OR6P1: variants seen among roughly 807,000 people sequenced by gnomAD.
OR6P1 encodes olfactory receptor 6P1.
In OR6P1, 5 loss-of-function variants were observed where a neutral mutation model predicts 6.6. The ratio of observed to expected loss-of-function variants is 0.76; its 90% CI spans 0.40 to 1.60. The LOEUF (loss-of-function observed/expected upper bound fraction) is 1.60. Among genes scored for constraint, OR6P1 ranks in the 40% most tolerant of loss-of-function variants. The pLI is 0.02. For missense variants in OR6P1, 451 were observed against 383.0 expected (o/e 1.18, Z -1.48); for synonymous variants, 177 against 149.6 (o/e 1.18, Z -1.33).
rs553102458 is a variant in OR6P1 at position 158,563,708 on chromosome 1, C to T, written c.-22-82G>A. ...AACATACTCTCACAGGTTATAACCA[C>T]TGAAGAGCTTAGTGGCATATTAATT... On this transcript the variant is annotated intron_variant, in intron 2 of 2. Coordinates refer to ENST00000641540, the MANE Select transcript of OR6P1 (RefSeq NM_001160325.2). The T allele has an allele frequency of 1.3e-4, 88 of 703,432 alleles. 1 individual carries two copies. The highest frequency in any genetic ancestry group is 2.1e-4 in the Non-Finnish European group (86 of 418,986). The allele number at this position is 703,432 out of a possible 1,614,324, so 43.6% of individuals were successfully genotyped here.
chr1:158,563,335 AC>A lies in OR6P1; in HGVS notation c.269del (p.Gly90ValfsTer6). 6.4e-7 allele frequency: 1 copy of A among 1,551,556 alleles called. No individual in the cohort carries two copies. Among genetic ancestry groups the A allele is most frequent in the Non-Finnish European group, 8.7e-7 (1 of 1,146,908 alleles). ...TCATGCAACCTACGTAGGAGACTCT[AC>A]CATCCTGGGTAAGAAAGGCTGCCAA... ...RLLAAFLTQD[G>X]RVSYVGCMTQ... On this transcript the variant is annotated frameshift_variant, in exon 3 of 3. Transcript: ENST00000641540. LOFTEE classifies it high-confidence loss of function.
chr1:158,569,460 C>T lies in OR6P1; in HGVS notation c.-118+982G>A, dbSNP rs114932535. Among the ~76,000 whole-genome samples the T allele has an allele frequency of 3.1e-3, 477 of 152,252 alleles. 3 individuals carry two copies. The highest frequency in any genetic ancestry group is 0.014 in the Middle Eastern group (4 of 294). ...TATATCCCACTCCCAGAGAAAACTA[C>T]CTGTTTTGTTTTTCTTTGTTTCCCT... On this transcript the variant is annotated intron_variant, in intron 1 of 2. Transcript: ENST00000641540.
intron 2 of OR6P1, among the ~76,000 whole-genome samples, chr1:158,565,105 T>G (rs1199102287): frequency 6.6e-6 from 1 of 152,224 alleles, no homozygotes; most frequent in African/African-American, 2.4e-5. Context: ...CCTTGCTGTG[T>G]TCTTCAGGCT....
rs962570448 is a variant in OR6P1, at chr1:158,562,401, A to AT, written c.*249dup. The AT allele has an allele frequency of 1.5e-4, 70 of 468,648 alleles. 1 individual carries two copies. Among genetic ancestry groups the AT allele is most frequent in the Middle Eastern group, 6.0e-4 (1 of 1,680 alleles). The allele number at this position is 468,648 out of a possible 1,614,324, so 29.0% of individuals were successfully genotyped here. ...ACATACTCAGTAAGACTCTCCACAT[A>AT]TTTTTTTGGGGGAATCTGTATTTTA... On this transcript the variant is annotated 3_prime_UTR_variant, in exon 3 of 3. Coordinates refer to ENST00000641540, the MANE Select transcript of OR6P1 (RefSeq NM_001160325.2).
chr1:158,563,387 T>A lies in OR6P1; in HGVS notation c.218A>T (p.Tyr73Phe), dbSNP rs954492317. Residue 73 changes from tyrosine to phenylalanine, a missense_variant, in exon 3 of 3, where the codon TAC becomes TTC. Coordinates refer to ENST00000641540, the MANE Select transcript of OR6P1 (RefSeq NM_001160325.2). ...LGHLSFLELW[Y>F]INVTIPRLLA... is the part of the protein sequence containing the mutation. Reference sequence around the variant, plus strand: ...GAGCCGAGGAATGGTGACATTGATGTACCATAGCTCCAGGAAAGAGAGATG... The same window carrying A: ...GAGCCGAGGAATGGTGACATTGATGAACCATAGCTCCAGGAAAGAGAGATG... The A allele has an allele frequency of 3.2e-5, 50 of 1,551,456 alleles. 1 individual carries two copies. In the East Asian group the frequency reaches 1.2e-3, roughly 37 times the overall value.
chr1:158,566,140 AT>A (rs1295563911), intron 2 of OR6P1, among the ~76,000 whole-genome samples: 5 of 152,198 alleles, frequency 3.3e-5, no homozygotes, highest in Non-Finnish European at 7.3e-5. Flanking sequence ...TTAAAAAAAA[AT>A]TAAAGAGAAG....
intron 2 of OR6P1, among the ~76,000 whole-genome samples, chr1:158,565,288 T>G (rs1648069224): frequency 6.6e-6 from 1 of 152,184 alleles, no homozygotes; most frequent in South Asian, 2.1e-4. Context: ...TACTTCTTTA[T>G]GTATTCAATG....
At chr1:158,564,503 A>G (rs925599923) in intron 2 of OR6P1, among the ~76,000 whole-genome samples, 3 of 152,186 alleles carry the variant, frequency 2.0e-5, no homozygotes, top group Non-Finnish European at 4.4e-5. Context: ...AGGAGAAGGC[A>G]ATGTAAAGAT....
At chr1:158,568,644 A>T (rs904028205) in intron 1 of OR6P1, among the ~76,000 whole-genome samples, 3 of 152,110 alleles carry the variant, frequency 2.0e-5, no homozygotes, top group African/African-American at 7.2e-5. Context: ...GCTCCCCTTC[A>T]ACATTACCCT....
chr1:158,565,847 G>A (rs1285018698), intron 2 of OR6P1, among the ~76,000 whole-genome samples: 2 of 152,224 alleles, frequency 1.3e-5, no homozygotes, highest in Admixed American at 6.5e-5. Context: ...AGTTAGTTTT[G>A]TTATAGAAAT....
intron 1 of OR6P1, among the ~76,000 whole-genome samples, chr1:158,567,719 A>T (rs1450560210): frequency 6.0e-5 from 9 of 150,762 alleles, no homozygotes; most frequent in Non-Finnish European, 3.0e-5. Context: ...GGTGCAGCGC[A>T]CCAGCATGGC....
chr1:158,562,512 T>G lies in OR6P1; in HGVS notation c.*139A>C. ...AAATAAATGATTCATAAAGTTTCATTTGTATCAGAAGGTCCCAGACAATAT... is the reference window on the plus strand; with the variant it reads ...AAATAAATGATTCATAAAGTTTCATGTGTATCAGAAGGTCCCAGACAATAT... On this transcript the variant is annotated 3_prime_UTR_variant, in exon 3 of 3. Transcript: ENST00000641540. 1.6e-6 allele frequency: 1 copy of G among 612,994 alleles called. No individual in the cohort carries two copies. The highest frequency in any genetic ancestry group is 2.1e-5 in the South Asian group (1 of 48,704). 38.0% of individuals were successfully genotyped at this position (612,994 alleles called of 1,614,324 possible). A position where few individuals can be genotyped will look rare whatever the true frequency, so the allele number is the denominator to read the frequency against.
chr1:158,563,028 C>G lies in OR6P1; in HGVS notation c.577G>C (p.Glu193Gln), dbSNP rs1647996693. 6.4e-7 allele frequency: 1 copy of G among 1,551,662 alleles called. No homozygotes were observed. The highest frequency in any genetic ancestry group is 8.7e-7 in the Non-Finnish European group (1 of 1,146,958). Residue 193 changes from glutamate (E) to glutamine (Q), a missense_variant, in exon 3 of 3, where the codon GAG (glutamate) becomes CAG (glutamine). Glu to Gln is a conservative substitution (Grantham distance 29). Transcript: ENST00000641540. Reference protein sequence around the residue: ...PLLNLTCSDKEQAELVDFLLA... With the variant: ...PLLNLTCSDKQQAELVDFLLA... ...AGGAAGTCTACTAGCTCTGCTTGCT[C>G]CTTGTCAGAGCAGGTGAGGTTGAGT...
intron 2 of OR6P1, among the ~76,000 whole-genome samples, chr1:158,565,585 G>C (rs953133605): frequency 6.6e-6 from 1 of 151,064 alleles, no homozygotes; most frequent in African/African-American, 2.4e-5. Flanking sequence ...TTTACCTAAA[G>C]CAATATAAAT....
rs10489837 is a variant in OR6P1 at position 158,563,227 on chromosome 1, G to A, written c.378C>T (p.Ile126=). 2.5e-3 allele frequency: 3,914 copies of A among 1,551,618 alleles called. 71 individuals carry two copies. The African/African-American group carries it at 0.043, about 17-fold the overall frequency. The change falls in exon 3 of 3, where the codon ATC becomes ATT. Residue 126 remains isoleucine, a synonymous_variant. Transcript: ENST00000641540. ...AVMAYDRYLA[I]CGPLLYPSLM... ...GACTAGGGTAAAGGAGGGGTCCACA[G>A]ATGGCCAGGTAGCGATCATAGGCCA...
chr1:158,567,454 C>T (rs1490652753), intron 1 of OR6P1, among the ~76,000 whole-genome samples: 2 of 146,486 alleles, frequency 1.4e-5, no homozygotes, highest in African/African-American at 5.1e-5. Context: ...CCATGGAATA[C>T]TATGCAGCCA....
chr1:158,566,090 G>A (rs1648090590), intron 2 of OR6P1, among the ~76,000 whole-genome samples: 1 of 151,914 alleles, frequency 6.6e-6, no homozygotes, highest in Non-Finnish European at 1.5e-5. Context: ...TACACTCTTG[G>A]ACACTTCCAT....
At chr1:158,563,694 A>C in intron 2 of OR6P1, 68 bp from the exon 3 acceptor site, 65 of 761,108 alleles carry the variant, frequency 8.5e-5, no homozygotes, top group Non-Finnish European at 1.3e-4. Flanking sequence ...ACATACTCTC[A>C]CAGGTTATAA....
chr1:158,563,431 G>A lies in OR6P1; in HGVS notation c.174C>T (p.Pro58=). The A allele has an allele frequency of 6.4e-7, 1 of 1,551,242 alleles. No individual in the cohort carries two copies. The highest frequency in any genetic ancestry group is 8.7e-7 in the Non-Finnish European group (1 of 1,146,816). ...TIWLAPSLHR[P]MYFFLGHLSF... Reference sequence around the variant, plus strand: ...AGAGATGGCCAAGGAAAAAGTACATGGGACGATGAAGGCTTGGAGCAAGCC... The same window carrying A: ...AGAGATGGCCAAGGAAAAAGTACATAGGACGATGAAGGCTTGGAGCAAGCC... The change falls in exon 3 of 3, where the codon CCC becomes CCT. Residue 58 remains proline (P), a synonymous_variant. Transcript: ENST00000641540.
Sources: gnomAD v4.1 joint callset for allele counts (sites outside exome capture counted in the v4.1 genomes callset) on GRCh38, gnomAD v4.1.1 for gene constraint, MANE v1.5 for transcripts, NCBI Gene and HGNC (gene_info 2026-07-23, HGNC 2026-07-21) for gene names.